Variants in DHX34 observed in about 807,000 individuals in gnomAD.
DHX34 encodes probable ATP-dependent RNA helicase DHX34.
A neutral mutation model predicts 111.1 loss-of-function variants in DHX34; 96 were observed. The observed-to-expected ratio is 0.86, with a 90% CI of 0.73 to 1.02. The LOEUF (loss-of-function observed/expected upper bound fraction) is 1.02. DHX34 is among the 50% of genes least tolerant of loss of function. The probability of loss-of-function intolerance (pLI) is 0.00; values close to 1 mark genes in which losing one functional copy is unlikely to be tolerated. For missense variants in DHX34, 1,560 were observed against 1,579.9 expected (o/e 0.99, Z 0.21); for synonymous variants, 688 against 670.4 (o/e 1.03, Z -0.41).
At chr19:47,378,461 A>G (rs530779108) in intron 13 of DHX34, among the ~76,000 whole-genome samples, 1 of 152,150 alleles carries the variant, frequency 6.6e-6, no homozygotes, top group South Asian at 2.1e-4. Flanking sequence ...AGGCCGAGGG[A>G]CAGAGGATTG....
intron 16 of DHX34, 194 bp downstream of exon 16, chr19:47,381,518 CCT>C (rs1970358435): frequency 2.6e-6 from 2 of 755,396 alleles, no homozygotes; most frequent in South Asian, 2.0e-5. Context: ...TGGAGCGCCA[CCT>C]CTTTCTGTCT....
intron 13 of DHX34, among the ~76,000 whole-genome samples, chr19:47,378,825 A>G (rs1465680547): frequency 6.6e-6 from 1 of 151,374 alleles, no homozygotes; most frequent in Non-Finnish European, 1.5e-5. Context: ...TGACAGAGTG[A>G]GACACTGTCT....
Position 47,353,147 on chromosome 19 carries a change from G to T in DHX34, c.117G>T (p.Leu39Phe). ...ATTGTCCAGAGACGCGTCGCCTCTTGGAAGATGCCTTCTTCCGTGAAGAGG... is the reference window on the plus strand; with the variant it reads ...ATTGTCCAGAGACGCGTCGCCTCTTTGAAGATGCCTTCTTCCGTGAAGAGG... ...DWNCPETRRL[L>F]EDAFFREEDY... The change falls in exon 2 of 17, where the codon TTG becomes TTT. Residue 39 changes from leucine to phenylalanine, a missense_variant. Physicochemically the swap from Leu to Phe is conservative, Grantham distance 22. Transcript: ENST00000328771. The surrounding 1 kb of genome is among the most constrained non-coding windows in gnomAD (Gnocchi z 4.6). 6.2e-7 allele frequency: 1 copy of T among 1,614,152 alleles called. No homozygotes were observed. Among genetic ancestry groups the T allele is most frequent in the Non-Finnish European group, 8.5e-7 (1 of 1,180,024 alleles).
At position 47,380,878 on chromosome 19, in the gene DHX34, G is replaced by A. The variant is rs1223157027; in HGVS notation, c.3045G>A (p.Gln1015=). 6.2e-7 allele frequency: 1 copy of A among 1,613,760 alleles called. No homozygotes were observed. Among genetic ancestry groups the A allele is most frequent in the Non-Finnish European group, 8.5e-7 (1 of 1,179,898 alleles). Residue 1015 remains glutamine (Q), a synonymous_variant, in exon 15 of 17, where the codon CAG becomes CAA. Transcript: ENST00000328771. The part of the protein sequence containing the change: ...LEVQNMYVGP[Q]TIPATPHLPG... The stretch of plus-strand genomic sequence containing the variant: ...TCCAGAACATGTATGTGGGACCCCA[G>A]ACCATCCCAGCCACCCCCCATCTTC...
intron 1 of DHX34, among the ~76,000 whole-genome samples, chr19:47,350,611 G>A (rs1364467113): frequency 6.6e-6 from 1 of 151,948 alleles, no homozygotes; most frequent in African/African-American, 2.4e-5. Context: ...GTAGAGACGG[G>A]ATTTTTCCAT....
At chr19:47,380,672 T>G in intron 14 of DHX34, 144 bp from the exon 15 acceptor site, 3 of 1,470,436 alleles carry the variant, frequency 2.0e-6, no homozygotes, top group Non-Finnish European at 2.7e-6. Context: ...CATGTGTGTC[T>G]GCAGCCAAAT....
chr19:47,379,644 G>C, intron 13 of DHX34, 66 bp from the exon 14 acceptor site: 2 of 1,524,666 alleles, frequency 1.3e-6, no homozygotes, highest in Non-Finnish European at 1.8e-6. Flanking sequence ...CAGCCGGGCA[G>C]GGCCTGTCTC....
rs745738438 is a variant in DHX34, at chr19:47,355,069, C to T, written c.736C>T (p.Arg246Cys). ...CTACCAGATCCGCTTTGAGAGCACA[C>T]GTTCGGCGGCCACCAAGATTGTATT... ...VGYQIRFEST[R>C]SAATKIVFLT... is the part of the protein sequence containing the mutation. Residue 246 changes from arginine (R) to cysteine (C), a missense_variant, in exon 3 of 17, where the codon CGT becomes TGT. By Grantham distance (180) the Arg-to-Cys change is radical. Coordinates refer to ENST00000328771, the MANE Select transcript of DHX34 (RefSeq NM_014681.6). 48 of 1,613,276 alleles carry T rather than the reference C, an allele frequency of 3.0e-5. No homozygotes were observed. The highest frequency in any genetic ancestry group is 1.5e-4 in the Admixed American group (9 of 59,916).
chr19:47,381,753 A>G (rs1568410186), intron 16 of DHX34: 3 of 725,484 alleles, frequency 4.1e-6, no homozygotes, highest in Non-Finnish European at 5.1e-6. Context: ...CTCAGTCTCC[A>G]TGTCTCTCCT....
In DHX34 at chr19:47,371,335, G is replaced by A. The variant is rs555491923; in HGVS notation, c.1769-1395G>A. ...GGTCACAGTGGGAACTGAGAGGCAC[G>A]GATGACCCTGTGCTGGGCGTCCTCT... On this transcript the variant is annotated intron_variant, in intron 7 of 16. Coordinates refer to ENST00000328771, the MANE Select transcript of DHX34 (RefSeq NM_014681.6). Among the ~76,000 whole-genome samples, 28 of 152,384 alleles carry A rather than the reference G, an allele frequency of 1.8e-4. No homozygotes were observed. The South Asian group carries it at 4.6e-3, about 25-fold the overall frequency.
chr19:47,373,813 G>A, intron 9 of DHX34, 113 bp downstream of exon 9: 4 of 1,318,184 alleles, frequency 3.0e-6, no homozygotes, highest in South Asian at 1.4e-5. Context: ...ATCCCACCCT[G>A]CACCCACCTC....
At chr19:47,355,495 G>A in intron 3 of DHX34, 145 bp downstream of exon 3, 1 of 1,325,526 alleles carries the variant, frequency 7.5e-7, no homozygotes. Context: ...CATTTTCTGA[G>A]CATTCATAAT....
intron 1 of DHX34, among the ~76,000 whole-genome samples, chr19:47,350,592 G>C (rs1969256239): frequency 6.6e-6 from 1 of 151,778 alleles, no homozygotes; most frequent in Admixed American, 6.6e-5. Flanking sequence ...GGCTAATTTT[G>C]TATTTTTAGT....
intron 12 of DHX34, 96 bp downstream of exon 12, chr19:47,376,656 G>A (rs375342685): frequency 3.3e-4 from 495 of 1,489,320 alleles, no homozygotes; most frequent in African/African-American, 1.7e-3. Flanking sequence ...CTCCCACACC[G>A]GCCCAGGCTG....
intron 7 of DHX34, among the ~76,000 whole-genome samples, chr19:47,371,724 C>T (rs1042757997): frequency 6.6e-6 from 1 of 152,126 alleles, no homozygotes; most frequent in Non-Finnish European, 1.5e-5. Context: ...CTCAGCCTCC[C>T]AAGTAGCTGG....
Position 47,382,131 on chromosome 19 carries a change from G to A in DHX34, c.*18G>A. The A allele has an allele frequency of 1.2e-6, 2 of 1,612,992 alleles. No individual in the cohort carries two copies. Among genetic ancestry groups the A allele is most frequent in the Non-Finnish European group, 1.7e-6 (2 of 1,179,618 alleles). On this transcript the variant is annotated 3_prime_UTR_variant, in exon 17 of 17. Transcript: ENST00000328771. ...ACGTGTGAGCTGGGCCAGGAGCCCT[G>A]CCCACCTCCGTGCAGCTGACCTGCC... is the stretch of plus-strand genomic sequence containing the variant.
chr19:47,371,762 G>A (rs1244312435), intron 7 of DHX34, among the ~76,000 whole-genome samples: 2 of 152,036 alleles, frequency 1.3e-5, no homozygotes, highest in African/African-American at 4.8e-5. Flanking sequence ...ACCACACCCA[G>A]CTAATTTTTG....
rs1025334904 is a variant in DHX34, at chr19:47,374,456, G to A, written c.2064+756G>A. 1.3e-3 allele frequency among the ~76,000 whole-genome samples: 158 copies of A among 125,360 alleles called. 1 individual carries two copies. The highest frequency in any genetic ancestry group is 4.8e-3 in the African/African-American group (148 of 30,758). The allele number at this position is 125,360 out of a possible 152,430, so 82.2% of individuals were successfully genotyped here. A position where few individuals can be genotyped will look rare whatever the true frequency, so the allele number is the denominator to read the frequency against. On this transcript the variant is annotated intron_variant, in intron 9 of 16. Coordinates refer to ENST00000328771, the MANE Select transcript of DHX34 (RefSeq NM_014681.6). ...CCACTCAAAAAAAAAAAAAAAAAAA[G>A]ATTTGGGTTTCTCCTGCGCCCACAC...
chr19:47,381,055 C>T, intron 15 of DHX34, 63 bp downstream of exon 15: 1 of 1,545,760 alleles, frequency 6.5e-7, no homozygotes, highest in Non-Finnish European at 8.7e-7. Context: ...CCCCGTTTCA[C>T]CTTAGTCCAG....
Sources: allele counts gnomAD v4.1 joint callset (sites outside exome capture counted in the v4.1 genomes callset), GRCh38; gene constraint gnomAD v4.1.1; non-coding constraint Gnocchi (gnomAD v3.1); transcripts MANE v1.5; gene names NCBI Gene and HGNC (gene_info 2026-07-23, HGNC 2026-07-21).